CHD4: variants seen among roughly 807,000 people sequenced by gnomAD.
CHD4 encodes the protein chromodomain helicase DNA binding protein 4.
Under a neutral mutation model 235.5 loss-of-function variants are expected in CHD4, and 35 were observed. The ratio of observed to expected loss-of-function variants is 0.15; its 90% CI spans 0.11 to 0.20. CHD4 has a LOEUF of 0.20. Ranked by LOEUF, CHD4 falls within the 10% of genes least tolerant of loss-of-function variation. CHD4 has a pLI of 1.00. For missense variants in CHD4, 1,329 were observed against 2,432.3 expected (o/e 0.55, Z 9.54); for synonymous variants, 900 against 850.2 (o/e 1.06, Z -1.02).
At chr12:6,580,710 A>AAAAAACAAAAAC (rs1948167385) in intron 33 of CHD4, 13 of 196,074 alleles carry the variant, frequency 6.6e-5, no homozygotes, top group Non-Finnish European at 1.2e-4. Context: ...CTTTGAAAAA[A>AAAAAACAAAAAC]AAAAAAAAAA....
chr12:6,580,896 C>A (rs1948173245), intron 33 of CHD4, 148 bp downstream of exon 33: 6 of 817,544 alleles, frequency 7.3e-6, no homozygotes, highest in Non-Finnish European at 1.2e-5. Context: ...AATCCCAGCT[C>A]CTCGGGAGGG....
chr12:6,606,331 T>G lies in CHD4; in HGVS notation c.43A>C (p.Ser15Arg). 1 of 1,569,924 alleles carries G rather than the reference T, an allele frequency of 6.4e-7. No individual in the cohort carries two copies. Among genetic ancestry groups the G allele is most frequent in the Non-Finnish European group, 8.6e-7 (1 of 1,160,972 alleles). The change falls in exon 2 of 40, where the codon AGT becomes CGT. Residue 15 changes from serine to arginine, a missense_variant. Around this residue, in one of 26 missense-constraint regions of CHD4, gnomAD observed 213 missense variants for 177.5 expected, o/e 1.20. Transcript: ENST00000544040. ...LGSPSPCSAG[S>R]EEEDMDALLN... ...AGTGCATCCATATCCTCCTCCTCAC[T>G]GCCCGCCGAGCAGGGGGACGGGGAG...
chr12:6,572,372 G>A (rs2136190652), intron 38 of CHD4, among the ~76,000 whole-genome samples: 2 of 151,080 alleles, frequency 1.3e-5, no homozygotes, highest in South Asian at 4.2e-4. Context: ...GTTGTGGTGG[G>A]CCAAGATCAC....
At position 6,574,513 on chromosome 12, in the gene CHD4, AT is replaced by A. The variant is rs550263535; in HGVS notation, c.5362-1245del. Reference sequence around the variant, plus strand: ...TGAAAAGATTTTAATTACTTAAAAAATATATTCATAAAACATATGACTCAAC... The same window carrying A: ...TGAAAAGATTTTAATTACTTAAAAAAATATTCATAAAACATATGACTCAAC... On this transcript the variant is annotated intron_variant, in intron 37 of 39. Coordinates refer to ENST00000544040, the MANE Select transcript of CHD4 (RefSeq NM_001273.5). Among the ~76,000 whole-genome samples the A allele has an allele frequency of 7.2e-5, 11 of 152,342 alleles. No individual in the cohort carries two copies. The South Asian group carries it at 1.9e-3, about 26-fold the overall frequency.
rs761827386 is a variant in CHD4 at position 6,602,509 on chromosome 12, T to G, written c.101-12A>C. 1 of 1,610,468 alleles carries G rather than the reference T, an allele frequency of 6.2e-7. No homozygotes were observed. Among genetic ancestry groups the G allele is most frequent in the Non-Finnish European group, 8.5e-7 (1 of 1,179,204 alleles). Reference sequence around the variant, plus strand: ...GTCCTCTTCATTTTCTACATATATTTGGCAAAGAGTGGTAGGCAGGGAAAA... The same window carrying G: ...GTCCTCTTCATTTTCTACATATATTGGGCAAAGAGTGGTAGGCAGGGAAAA... On this transcript the variant is annotated splice_polypyrimidine_tract_variant and intron_variant, in intron 2 of 39. Transcript: ENST00000544040.
chr12:6,589,219 G>C (rs1349287211), intron 22 of CHD4, among the ~76,000 whole-genome samples: 1 of 152,056 alleles, frequency 6.6e-6, no homozygotes, highest in East Asian at 1.9e-4. Context: ...AACCTCATTA[G>C]GCAAACACCA....
At position 6,582,759 on chromosome 12, in the gene CHD4, A is replaced by C; in HGVS notation, c.4237-11T>G. ...ATTAAAACCAAGTACCTAGGGGAAG[A>C]AGAAACCCAGGTGAGAGGCAGCAGG... On this transcript the variant is annotated splice_polypyrimidine_tract_variant and intron_variant, in intron 28 of 39. Coordinates refer to ENST00000544040, the MANE Select transcript of CHD4 (RefSeq NM_001273.5). 5 of 1,614,168 alleles carry C rather than the reference A, an allele frequency of 3.1e-6. No individual in the cohort carries two copies. The highest frequency in any genetic ancestry group is 4.2e-6 in the Non-Finnish European group (5 of 1,180,038).
At chr12:6,595,853 G>T (rs1437818691) in intron 13 of CHD4, among the ~76,000 whole-genome samples, 153 bp downstream of exon 13, 2 of 150,916 alleles carry the variant, frequency 1.3e-5, no homozygotes, top group Non-Finnish European at 2.9e-5. Flanking sequence ...AGCTACTCAG[G>T]AGGCTAAGGC....
intron 2 of CHD4, among the ~76,000 whole-genome samples, chr12:6,603,709 T>C (rs1948638678): frequency 6.6e-6 from 1 of 152,032 alleles, no homozygotes; most frequent in Admixed American, 6.6e-5. Flanking sequence ...GAGACAAACA[T>C]GAAGGTAATA....
intron 37 of CHD4, among the ~76,000 whole-genome samples, chr12:6,573,635 G>A (rs1412932230): frequency 6.6e-6 from 1 of 152,104 alleles, no homozygotes; most frequent in East Asian, 1.9e-4. Flanking sequence ...ACATAACTGA[G>A]ATCATACTAT....
rs749570554 is a variant in CHD4 at position 6,581,644 on chromosome 12, C to T, written c.4681+5G>A. 7 of 1,613,798 alleles carry T rather than the reference C, an allele frequency of 4.3e-6. No individual in the cohort carries two copies. The highest frequency in any genetic ancestry group is 3.4e-6 in the Non-Finnish European group (4 of 1,179,766). ...GACAGAAAATGATAGGACAGGCAGA[C>T]TTACCAGCAGGTGGGACAGGTGCAG... On this transcript the variant is annotated splice_donor_5th_base_variant and intron_variant, in intron 31 of 39. Coordinates refer to ENST00000544040, the MANE Select transcript of CHD4 (RefSeq NM_001273.5).
At chr12:6,590,535 G>A (rs558003493) in intron 22 of CHD4, among the ~76,000 whole-genome samples, 1 of 151,958 alleles carries the variant, frequency 6.6e-6, no homozygotes, top group Non-Finnish European at 1.5e-5. Context: ...AAGGAGTAGT[G>A]ATACTGAGCA....
intron 19 of CHD4, 51 bp from the exon 20 acceptor site, chr12:6,592,108 C>T (rs9630275): frequency 6.2e-7 from 1 of 1,604,940 alleles, no homozygotes; most frequent in African/African-American, 1.3e-5. Context: ...CTTTCAATGA[C>T]TAATAATGCA....
Position 6,593,327 on chromosome 12 carries a change from T to C in CHD4, c.2514+89A>G. 1 of 1,598,390 alleles carries C rather than the reference T, an allele frequency of 6.3e-7. No individual in the cohort carries two copies. Among genetic ancestry groups the C allele is most frequent in the Non-Finnish European group, 8.6e-7 (1 of 1,167,692 alleles). ...TTTTCCTCCTCCCAGGGTTACCCTT[T>C]TGCCTCACCAGGGACCAGATCACAA... On this transcript the variant is annotated intron_variant, in intron 16 of 39. Coordinates refer to ENST00000544040, the MANE Select transcript of CHD4 (RefSeq NM_001273.5). The surrounding 1 kb of genome is among the most constrained non-coding windows in gnomAD (Gnocchi z 4.9).
At position 6,600,274 on chromosome 12, in the gene CHD4, G is replaced by C. The variant is rs1592281317; in HGVS notation, c.1185C>G (p.Val395=). The C allele has an allele frequency of 3.7e-6, 6 of 1,614,070 alleles. No individual in the cohort carries two copies. The highest frequency in any genetic ancestry group is 3.3e-4 in the Middle Eastern group (2 of 6,084). ...CCTTCTCCATGTCGGGATCCAGGCA[G>C]ACCATGTGGTAAGCACGGGGACAGG... ...CDTCPRAYHM[V]CLDPDMEKAP... The change falls in exon 9 of 40, where the codon GTC becomes GTG. Residue 395 remains valine, a synonymous_variant. Transcript: ENST00000544040.
At chr12:6,606,221 G>T (rs563560501) in intron 2 of CHD4, 53 bp downstream of exon 2, 3 of 1,242,072 alleles carry the variant, frequency 2.4e-6, no homozygotes, top group East Asian at 2.7e-5. Flanking sequence ...GGAGTCACTC[G>T]GGAGAGCCCC....
At chr12:6,603,402 G>C (rs763733474) in intron 2 of CHD4, among the ~76,000 whole-genome samples, 1 of 152,156 alleles carries the variant, frequency 6.6e-6, no homozygotes, top group Non-Finnish European at 1.5e-5. Context: ...CGCCCAAAGG[G>C]GGGTGGGTAG....
intron 35 of CHD4, 45 bp from the exon 36 acceptor site, chr12:6,578,182 A>G (rs1348861246): frequency 6.6e-7 from 1 of 1,510,838 alleles, no homozygotes; most frequent in African/African-American, 1.4e-5. Flanking sequence ...GGAAGCAAAC[A>G]TCTGTGAGAA....
chr12:6,577,328 G>A (rs1286787853), intron 37 of CHD4, among the ~76,000 whole-genome samples: 16 of 151,618 alleles, frequency 1.1e-4, no homozygotes, highest in African/African-American at 3.2e-4. Context: ...AGGCTGAGGC[G>A]GGAGAATCAC....
Sources: allele counts gnomAD v4.1 joint callset (sites outside exome capture counted in the v4.1 genomes callset), GRCh38; gene constraint gnomAD v4.1.1; regional missense constraint gnomAD v4.1.1; non-coding constraint Gnocchi (gnomAD v3.1); transcripts MANE v1.5; gene names NCBI Gene and HGNC (gene_info 2026-07-23, HGNC 2026-07-21).